Variants in HVCN1 observed in about 807,000 individuals in gnomAD.
HVCN1 encodes voltage-gated hydrogen channel 1.
In HVCN1, 14 loss-of-function variants were observed where a neutral mutation model predicts 29.2. That is an observed-to-expected ratio of 0.48 (90% CI 0.32 to 0.75). The LOEUF (loss-of-function observed/expected upper bound fraction) is 0.75, where lower values mean the gene tolerates loss of function less well. Among genes scored for constraint, HVCN1 ranks in the 30% least tolerant of loss-of-function variants. The pLI is 0.04. For synonymous variants in HVCN1, 131 were observed against 133.2 expected (o/e 0.98, Z 0.11); for missense variants, 263 against 341.8 (o/e 0.77, Z 1.82).
intron 2 of HVCN1, among the ~76,000 whole-genome samples, chr12:110,697,080 G>A (rs1011815592): frequency 6.6e-6 from 1 of 151,918 alleles, no homozygotes; most frequent in South Asian, 2.1e-4. Flanking sequence ...GTGCACTGTG[G>A]TGCCCTCCAT....
At chr12:110,691,219 C>T (rs145379881), upstream of HVCN1, among the ~76,000 whole-genome samples, 2 of 152,214 alleles carry the variant, frequency 1.3e-5, no homozygotes, top group South Asian at 2.1e-4. Flanking sequence ...CCCGCCACCA[C>T]GCTCGGTTAA....
intron 6 of HVCN1, 136 bp downstream of exon 6, chr12:110,651,081 T>C: frequency 1.6e-6 from 1 of 629,176 alleles, no homozygotes; most frequent in East Asian, 2.7e-5. Flanking sequence ...GAGAGGGAGG[T>C]GAGGGGGCAG....
chr12:110,670,691 C>G (rs2068546187), intron 3 of HVCN1, among the ~76,000 whole-genome samples: 1 of 152,160 alleles, frequency 6.6e-6, no homozygotes, highest in African/African-American at 2.4e-5. Context: ...GACAGAAAGC[C>G]AGGCAGCCAG....
intron 2 of HVCN1, among the ~76,000 whole-genome samples, chr12:110,699,414 C>T (rs763415300): frequency 2.9e-4 from 44 of 152,104 alleles, no homozygotes; most frequent in Middle Eastern, 3.4e-3. Context: ...AGCTCCCAGG[C>T]CCCCCACCCA....
chr12:110,681,259 T>C (rs1211880930), intron 3 of HVCN1, among the ~76,000 whole-genome samples: 1 of 152,220 alleles, frequency 6.6e-6, no homozygotes, highest in Non-Finnish European at 1.5e-5. Context: ...CGCATAGTGT[T>C]GTCTCATGTG....
intron 2 of HVCN1, among the ~76,000 whole-genome samples, chr12:110,685,957 T>C (rs1439694293): frequency 2.0e-5 from 3 of 151,864 alleles, no homozygotes; most frequent in Non-Finnish European, 4.4e-5. Flanking sequence ...GTTAGTATAA[T>C]AGGCATGAGC....
At chr12:110,660,257 TC>T (rs1342765342) in intron 4 of HVCN1, among the ~76,000 whole-genome samples, 1 of 152,188 alleles carries the variant, frequency 6.6e-6, no homozygotes, top group Non-Finnish European at 1.5e-5. Flanking sequence ...GCGCCTATAA[TC>T]CCAGCTACTC....
chr12:110,650,178 C>A lies in HVCN1; in HGVS notation c.746G>T (p.Cys249Phe). ...TGTCGTCTTTCTTACCTTCTCAGAG[C>A]AGCTGAACTCAAGGTGTTGAATCTT... is the stretch of plus-strand genomic sequence containing the variant. ...AAKIQHLEFS[C>F]SEKEQEIERL... is the part of the protein sequence containing the mutation. Residue 249 changes from cysteine (C) to phenylalanine (F), a missense_variant, in exon 7 of 8, where the codon TGC (cysteine) becomes TTC (phenylalanine). By Grantham distance (205) the Cys-to-Phe change is radical. This residue lies in a region of HVCN1 where 51 missense variants were observed against 51.1 expected (regional missense o/e 1.00). Transcript: ENST00000242607. 6.2e-7 allele frequency: 1 copy of A among 1,607,574 alleles called. No individual in the cohort carries two copies. Among genetic ancestry groups the A allele is most frequent in the South Asian group, 1.1e-5 (1 of 90,960 alleles).
chr12:110,687,420 G>A (rs937766647), intron 2 of HVCN1, among the ~76,000 whole-genome samples: 5 of 152,148 alleles, frequency 3.3e-5, no homozygotes, highest in Non-Finnish European at 7.4e-5. Flanking sequence ...GAGCATTCCC[G>A]GGAAAAGGAA....
upstream of HVCN1, among the ~76,000 whole-genome samples, chr12:110,693,616 C>T (rs1056650617): frequency 6.6e-6 from 1 of 151,794 alleles, no homozygotes; most frequent in South Asian, 2.1e-4. Context: ...GTTTTTAAAC[C>T]ACAGTATAGT....
Position 110,655,279 on chromosome 12 carries a change from C to T in HVCN1, c.366G>A (p.Leu122=), listed in dbSNP as rs2067951943. The change falls in exon 5 of 8, where the codon CTG becomes CTA. Residue 122 remains leucine (L), a synonymous_variant. Transcript: ENST00000242607. The part of the protein sequence containing the change: ...DALLVLAELI[L]DLKIIQPDKN... ...TGTCGGGCTGGATGATCTTCAGGTC[C>T]AGGATGAGCTCAGCAAGCACCAGGA... 5 of 1,613,814 alleles carry T rather than the reference C, an allele frequency of 3.1e-6. No individual in the cohort carries two copies. The highest frequency in any genetic ancestry group is 4.2e-6 in the Non-Finnish European group (5 of 1,179,942).
In HVCN1 at chr12:110,677,864, T is replaced by G. The variant is rs1285274294; in HGVS notation, c.21+5361A>C. On this transcript the variant is annotated intron_variant, in intron 3 of 7. Coordinates refer to ENST00000242607, the MANE Select transcript of HVCN1 (RefSeq NM_032369.4). ...GGCAGCCCAGGTTCCCCTAAAGCCA[T>G]GCTCCCCAACTGTCTCCTTTTCTAT... Among the ~76,000 whole-genome samples, 3 of 152,180 alleles carry G rather than the reference T, an allele frequency of 2.0e-5. No homozygotes were observed. In the East Asian group the frequency reaches 5.8e-4, roughly 29 times the overall value.
intron 2 of HVCN1, among the ~76,000 whole-genome samples, chr12:110,701,028 C>T (rs966573024): frequency 1.3e-5 from 2 of 152,146 alleles, no homozygotes; most frequent in African/African-American, 2.4e-5. Context: ...GGGGAAGGCC[C>T]GCCTGGAAGT....
intron 4 of HVCN1, among the ~76,000 whole-genome samples, chr12:110,656,924 A>G (rs939709044): frequency 6.6e-6 from 1 of 152,152 alleles, no homozygotes; most frequent in African/African-American, 2.4e-5. Context: ...AACTAAAGGG[A>G]TCTGAGAGCT....
intron 2 of HVCN1, among the ~76,000 whole-genome samples, chr12:110,701,731 C>T (rs1215013876): frequency 6.6e-6 from 1 of 151,746 alleles, no homozygotes; most frequent in Non-Finnish European, 1.5e-5. Flanking sequence ...GTGGTGCACG[C>T]CTGTAGCTCC....
chr12:110,661,439 G>C lies in HVCN1; in HGVS notation c.31C>G (p.Arg11Gly), dbSNP rs552782188. MATWDEKAVTRRAKVAPAERM... is the reference protein window; with the variant it reads MATWDEKAVTGRAKVAPAERM... ...TCAGCGGGAGCCACCTTGGCCCTGC[G>C]GGTGACTGCCTAGAAGGCGGGGACA... Residue 11 changes from arginine (R) to glycine (G), a missense_variant, in exon 4 of 8, where the codon CGC becomes GGC. Coordinates refer to ENST00000242607, the MANE Select transcript of HVCN1 (RefSeq NM_032369.4). The surrounding 1 kb of genome is among the most constrained non-coding windows in gnomAD (Gnocchi z 6.2). 6.2e-7 allele frequency: 1 copy of C among 1,613,926 alleles called. No individual in the cohort carries two copies. The highest frequency in any genetic ancestry group is 8.5e-7 in the Non-Finnish European group (1 of 1,179,802).
At chr12:110,667,492 C>T (rs1226040802) in intron 3 of HVCN1, among the ~76,000 whole-genome samples, 1 of 152,052 alleles carries the variant, frequency 6.6e-6, no homozygotes, top group Non-Finnish European at 1.5e-5. Flanking sequence ...CTGTAGTGTG[C>T]GATCACGGTT....
At chr12:110,675,306 A>T (rs2068711832) in intron 3 of HVCN1, among the ~76,000 whole-genome samples, 1 of 152,128 alleles carries the variant, frequency 6.6e-6, no homozygotes, top group Admixed American at 6.6e-5. Context: ...TAAAAATACA[A>T]AAATTAGCCA....
At chr12:110,675,098 C>A (rs112198302) in intron 3 of HVCN1, among the ~76,000 whole-genome samples, 151 of 152,340 alleles carry the variant, frequency 9.9e-4, no homozygotes, top group African/African-American at 3.4e-3. Context: ...TATGATTCAA[C>A]CTAATATATA....
Sources: gnomAD v4.1 joint callset for allele counts (sites outside exome capture counted in the v4.1 genomes callset) on GRCh38, gnomAD v4.1.1 for gene constraint, gnomAD v4.1.1 regional missense constraint, Gnocchi (gnomAD v3.1) non-coding constraint, MANE v1.5 for transcripts, NCBI Gene and HGNC (gene_info 2026-07-23, HGNC 2026-07-21) for gene names.